TAFA4: variants seen among roughly 807,000 people sequenced by gnomAD.
TAFA4 encodes TAFA chemokine like family member 4, also known as chemokine-like protein TAFA-4.
In TAFA4, 20 loss-of-function variants were observed where a neutral mutation model predicts 21.1. The ratio of observed to expected loss-of-function variants is 0.95; its 90% CI spans 0.67 to 1.38. The LOEUF is 1.38. Ranked by LOEUF, TAFA4 falls within the 40% of genes most tolerant of loss-of-function variation. The pLI, the probability that TAFA4 is intolerant of heterozygous loss-of-function variation, is 0.00. For missense variants in TAFA4, 211 were observed against 180.9 expected, an observed-to-expected ratio of 1.17 and a Z score of -0.95; for synonymous variants, 71 against 67.4, an observed-to-expected ratio of 1.05 and a Z score of -0.26.
At chr3:68,893,365 A>G (rs1229811014) in intron 1 of TAFA4, among the ~76,000 whole-genome samples, 3 of 152,200 alleles carry the variant, frequency 2.0e-5, no homozygotes, top group Admixed American at 6.5e-5. Flanking sequence ...ACCAGAATGT[A>G]AAGTTCTTGA....
chr3:68,830,323 T>C (rs1704353444), intron 3 of TAFA4, among the ~76,000 whole-genome samples: 1 of 152,270 alleles, frequency 6.6e-6, no homozygotes, highest in Admixed American at 6.5e-5. Flanking sequence ...TTGTGGGCAT[T>C]TAGTGCTATA....
At chr3:68,767,559 T>C (rs1224642698) in intron 3 of TAFA4, among the ~76,000 whole-genome samples, 3 of 152,046 alleles carry the variant, frequency 2.0e-5, no homozygotes, top group Non-Finnish European at 2.9e-5. Flanking sequence ...TGTATATATA[T>C]TGATTAGAAA....
intron 3 of TAFA4, among the ~76,000 whole-genome samples, chr3:68,785,033 T>C (rs1007670753): frequency 6.6e-6 from 1 of 151,544 alleles, no homozygotes; most frequent in South Asian, 2.1e-4. Context: ...GTATTTACAG[T>C]CCCTGACCTA....
chr3:68,870,078 C>G (rs1257097186), intron 3 of TAFA4, among the ~76,000 whole-genome samples: 2 of 151,808 alleles, frequency 1.3e-5, no homozygotes, highest in Non-Finnish European at 2.9e-5. Flanking sequence ...AAAAAGTAAT[C>G]AAGGCACCAA....
chr3:68,857,596 A>G (rs1705098618), intron 3 of TAFA4, among the ~76,000 whole-genome samples: 1 of 152,152 alleles, frequency 6.6e-6, no homozygotes, highest in Non-Finnish European at 1.5e-5. Context: ...GTATAAATAC[A>G]TTGTGAAATG....
intron 3 of TAFA4, among the ~76,000 whole-genome samples, chr3:68,779,879 C>A (rs1703123450): frequency 6.6e-6 from 1 of 152,122 alleles, no homozygotes. Context: ...GTAGATCCAC[C>A]AACAGCTTGC....
intron 1 of TAFA4, among the ~76,000 whole-genome samples, chr3:68,914,125 A>G (rs1200586911): frequency 3.3e-5 from 5 of 152,244 alleles, no homozygotes; most frequent in Non-Finnish European, 5.9e-5. Context: ...CCTAGGTGAA[A>G]AAAATAGATG....
intron 3 of TAFA4, among the ~76,000 whole-genome samples, chr3:68,784,504 T>C (rs1703212828): frequency 6.6e-6 from 1 of 152,038 alleles, no homozygotes; most frequent in Admixed American, 6.5e-5. Flanking sequence ...GTTACAGCTC[T>C]TAAGGCGGTG....
At position 68,783,763 on chromosome 3, in the gene TAFA4, A is replaced by AAG. The variant is rs1553641313; in HGVS notation, c.131-30746_131-30745insCT. Among the ~76,000 whole-genome samples, 12 of 151,706 alleles carry AAG rather than the reference A, an allele frequency of 7.9e-5. No individual in the cohort carries two copies. In the South Asian group the frequency reaches 8.4e-4, roughly 11 times the overall value. ...AAAGAAAGTAAGAAAGAAAGAAACA[A>AAG]AAACAAAGAAACAAAGAAAAAGAGA... On this transcript the variant is annotated intron_variant, in intron 3 of 5. Coordinates refer to ENST00000295569, the MANE Select transcript of TAFA4 (RefSeq NM_182522.5).
At chr3:68,766,420 T>TA (rs1234828423) in intron 3 of TAFA4, among the ~76,000 whole-genome samples, 1 of 152,108 alleles carries the variant, frequency 6.6e-6, no homozygotes, top group African/African-American at 2.4e-5. Context: ...ACAATGCTGT[T>TA]AACCTTTCTG....
intron 3 of TAFA4, among the ~76,000 whole-genome samples, chr3:68,813,089 G>A (rs1047369250): frequency 3.3e-5 from 5 of 152,008 alleles, no homozygotes; most frequent in East Asian, 1.9e-4. Flanking sequence ...GGTACATAAC[G>A]AAATGAAGGC....
At chr3:68,905,823 T>C (rs1384771536) in intron 1 of TAFA4, among the ~76,000 whole-genome samples, 1 of 152,206 alleles carries the variant, frequency 6.6e-6, no homozygotes, top group Non-Finnish European at 1.5e-5. Flanking sequence ...TATTTTCAGA[T>C]GGTGATAAGA....
intron 3 of TAFA4, among the ~76,000 whole-genome samples, chr3:68,857,175 C>T (rs748677757): frequency 2.0e-5 from 3 of 152,120 alleles, no homozygotes; most frequent in South Asian, 2.1e-4. Flanking sequence ...CAGCATTTAA[C>T]GATTTCTCCC....
intron 3 of TAFA4, among the ~76,000 whole-genome samples, chr3:68,804,024 G>A (rs981011995): frequency 3.3e-5 from 5 of 151,848 alleles, no homozygotes; most frequent in African/African-American, 4.8e-5. Flanking sequence ...CTGACCTCAG[G>A]TGATCCACCT....
chr3:68,738,189 T>C (rs544981757), intron 5 of TAFA4, among the ~76,000 whole-genome samples: 108 of 152,176 alleles, frequency 7.1e-4, no homozygotes, highest in South Asian at 6.4e-3. Context: ...GGAAACATAT[T>C]CTATGAAGAG....
At chr3:68,904,662 A>G (rs948740984) in intron 1 of TAFA4, among the ~76,000 whole-genome samples, 2 of 152,220 alleles carry the variant, frequency 1.3e-5, no homozygotes, top group Non-Finnish European at 2.9e-5. Flanking sequence ...GACTGCTGAT[A>G]TGAGCAACGG....
At chr3:68,870,282 G>T (rs1258621580) in intron 3 of TAFA4, among the ~76,000 whole-genome samples, 1 of 152,000 alleles carries the variant, frequency 6.6e-6, no homozygotes, top group African/African-American at 2.4e-5. Flanking sequence ...ACCCAAAGTG[G>T]TCTATAGATT....
intron 1 of TAFA4, among the ~76,000 whole-genome samples, chr3:68,907,374 ACT>A: frequency 6.6e-6 from 1 of 151,748 alleles, no homozygotes; most frequent in Non-Finnish European, 1.5e-5. Flanking sequence ...TCATATGAAA[ACT>A]CTTCAGCTGC....
At chr3:68,884,861 A>T (rs570081796) in intron 2 of TAFA4, among the ~76,000 whole-genome samples, 3 of 152,376 alleles carry the variant, frequency 2.0e-5, no homozygotes, top group African/African-American at 7.2e-5. Flanking sequence ...ACTTAACAAT[A>T]GCTCAACAAC....
Sources: gnomAD v4.1 joint callset for allele counts (sites outside exome capture counted in the v4.1 genomes callset) on GRCh38, gnomAD v4.1.1 for gene constraint, MANE v1.5 for transcripts, NCBI Gene and HGNC (gene_info 2026-07-23, HGNC 2026-07-21) for gene names.